Variants in MAP6 observed in about 807,000 individuals in gnomAD.
The protein encoded by MAP6 is microtubule associated protein 6.
MAP6 carries 26 observed loss-of-function variants against 42.4 expected under a neutral mutation model. That is an observed-to-expected ratio of 0.61 (90% CI 0.45 to 0.85). MAP6 has a LOEUF of 0.85. Ranked by LOEUF, MAP6 falls within the 40% of genes least tolerant of loss-of-function variation. The pLI, the probability that MAP6 is intolerant of heterozygous loss-of-function variation, is 0.00. For synonymous variants in MAP6, 418 were observed against 443.8 expected (o/e 0.94, Z 0.73); for missense variants, 966 against 1,099.0 (o/e 0.88, Z 1.71).
chr11:75,609,819 T>C (rs993839186), intron 1 of MAP6, among the ~76,000 whole-genome samples: 3 of 152,128 alleles, frequency 2.0e-5, no homozygotes, highest in African/African-American at 7.2e-5. Flanking sequence ...CCCACCTAGA[T>C]GCCCCATTGT....
At chr11:75,607,884 G>A (rs1373440843) in intron 2 of MAP6, among the ~76,000 whole-genome samples, 1 of 152,228 alleles carries the variant, frequency 6.6e-6, no homozygotes, top group Non-Finnish European at 1.5e-5. Context: ...CAGCCTTTAA[G>A]CTGTCTTTAT....
At chr11:75,633,017 T>C (rs1221185869) in intron 1 of MAP6, among the ~76,000 whole-genome samples, 1 of 151,770 alleles carries the variant, frequency 6.6e-6, no homozygotes, top group African/African-American at 2.4e-5. Context: ...TTTCTTTTTT[T>C]TTTTTTGGCA....
intron 1 of MAP6, among the ~76,000 whole-genome samples, chr11:75,632,984 T>C (rs1238579078): frequency 6.6e-6 from 1 of 151,874 alleles, no homozygotes; most frequent in African/African-American, 2.4e-5. Context: ...GTTGTTGCTG[T>C]TGTTTCTTTT....
At chr11:75,661,476 T>A (rs1943843853) in intron 1 of MAP6, among the ~76,000 whole-genome samples, 1 of 152,046 alleles carries the variant, frequency 6.6e-6, no homozygotes, top group Middle Eastern at 3.4e-3. Flanking sequence ...TTCAGCATAA[T>A]AAAATATATT....
chr11:75,629,491 T>C (rs969023562), intron 1 of MAP6, among the ~76,000 whole-genome samples: 1 of 152,128 alleles, frequency 6.6e-6, no homozygotes, highest in Admixed American at 6.5e-5. Flanking sequence ...ATCCTGCATA[T>C]GAAGTACATT....
At chr11:75,645,040 G>C (rs1943533081) in intron 1 of MAP6, among the ~76,000 whole-genome samples, 1 of 152,122 alleles carries the variant, frequency 6.6e-6, no homozygotes, top group Admixed American at 6.5e-5. Context: ...TTCCATACAG[G>C]AACAACACCT....
intron 1 of MAP6, among the ~76,000 whole-genome samples, chr11:75,627,601 G>A (rs948206401): frequency 1.3e-5 from 2 of 152,158 alleles, no homozygotes; most frequent in African/African-American, 4.8e-5. Context: ...TGATGGTAAT[G>A]GTGATGATCG....
At chr11:75,659,519 G>A (rs1258063431) in intron 1 of MAP6, among the ~76,000 whole-genome samples, 1 of 152,202 alleles carries the variant, frequency 6.6e-6, no homozygotes, top group African/African-American at 2.4e-5. Flanking sequence ...TTCCTGAAGA[G>A]TGACTGCAAA....
intron 1 of MAP6, among the ~76,000 whole-genome samples, chr11:75,632,021 G>C (rs763942050): frequency 1.3e-5 from 2 of 152,218 alleles, no homozygotes; most frequent in Non-Finnish European, 2.9e-5. Context: ...TCAACGGAGA[G>C]TGTAAAATTA....
chr11:75,618,541 A>G (rs1943043415), intron 1 of MAP6, among the ~76,000 whole-genome samples: 1 of 152,014 alleles, frequency 6.6e-6, no homozygotes, highest in Non-Finnish European at 1.5e-5. Context: ...TGGGAAGTAG[A>G]GTTGCAGTGA....
chr11:75,619,470 A>G (rs1210795878), intron 1 of MAP6, among the ~76,000 whole-genome samples: 1 of 152,008 alleles, frequency 6.6e-6, no homozygotes, highest in Admixed American at 6.5e-5. Context: ...TAAGTCTAGT[A>G]CTCACTGGTT....
chr11:75,624,630 C>T (rs1193933838), intron 1 of MAP6, among the ~76,000 whole-genome samples: 1 of 152,188 alleles, frequency 6.6e-6, no homozygotes, highest in Non-Finnish European at 1.5e-5. Context: ...CTTGAATTTT[C>T]TGCTTCTCTT....
intron 1 of MAP6, among the ~76,000 whole-genome samples, chr11:75,658,405 G>A (rs1391853651): frequency 2.0e-4 from 6 of 29,726 alleles, no homozygotes; most frequent in African/African-American, 6.8e-4. Flanking sequence ...CACCCCCCCC[G>A]CCCCAGACAG....
intron 1 of MAP6, among the ~76,000 whole-genome samples, chr11:75,655,486 G>C (rs545276206): frequency 1.3e-5 from 2 of 152,196 alleles, no homozygotes; most frequent in Admixed American, 1.3e-4. Flanking sequence ...AAAAGGCATC[G>C]AGTGTGTGCA....
At position 75,668,274 on chromosome 11, in the gene MAP6, C is replaced by T. The variant is rs1944001545; in HGVS notation, c.96G>A (p.Lys32=). The T allele has an allele frequency of 1.9e-6, 3 of 1,539,300 alleles. No individual in the cohort carries two copies. Among genetic ancestry groups the T allele is most frequent in the Non-Finnish European group, 2.6e-6 (3 of 1,150,480 alleles). Residue 32 remains lysine (K), a synonymous_variant, in exon 1 of 4, where the codon AAG becomes AAA. Coordinates refer to ENST00000304771, the MANE Select transcript of MAP6 (RefSeq NM_033063.2). ...ADIAVPLVFT[K]YSEATEHPGA... is the part of the protein sequence containing the mutation. ...CCGGGTGCTCGGTGGCCTCCGAGTA[C>T]TTGGTGAAAACCAGCGGCACAGCGA...
At chr11:75,655,067 C>T (rs535746377) in intron 1 of MAP6, among the ~76,000 whole-genome samples, 9 of 152,312 alleles carry the variant, frequency 5.9e-5, no homozygotes, top group South Asian at 2.1e-4. Context: ...TCCATATTAT[C>T]TCCCTCAAAA....
At chr11:75,648,034 CT>C (rs1183487785) in intron 1 of MAP6, among the ~76,000 whole-genome samples, 1 of 152,010 alleles carries the variant, frequency 6.6e-6, no homozygotes, top group Admixed American at 6.6e-5. Flanking sequence ...ATAGTGGGAA[CT>C]TTTTTAATCA....
rs139998648 is a variant in MAP6 at position 75,626,481 on chromosome 11, A to G, written c.906-18159T>C. 3.2e-3 allele frequency among the ~76,000 whole-genome samples: 490 copies of G among 152,284 alleles called. 2 individuals are homozygous for G. Among genetic ancestry groups the G allele is most frequent in the African/African-American group, 0.011 (476 of 41,548 alleles). On this transcript the variant is annotated intron_variant, in intron 1 of 3. Coordinates refer to ENST00000304771, the MANE Select transcript of MAP6 (RefSeq NM_033063.2). ...GAGGTATTTTGTTTTGGTGACTCAG[A>G]CCACTTTGGGGCAATAAGAGGCTGG...
chr11:75,587,118 G>C lies in MAP6; in HGVS notation c.2383C>G (p.Leu795Val), dbSNP rs1315780675. 1 of 1,612,814 alleles carries C rather than the reference G, an allele frequency of 6.2e-7. No homozygotes were observed. Residue 795 changes from leucine to valine, a missense_variant, in exon 4 of 4, where the codon CTA becomes GTA. Leu to Val is a conservative substitution (Grantham distance 32). Transcript: ENST00000304771. ...GCAGTTGGGATCATGACTCGGGGTA[G>C]AGGTGAGACAGTAGGTAGCTGAGGG... ...RDPQLPTVSP[L>V]PRVMIPTAPH...
Sources: gnomAD v4.1 joint callset for allele counts (sites outside exome capture counted in the v4.1 genomes callset) on GRCh38, gnomAD v4.1.1 for gene constraint, MANE v1.5 for transcripts, NCBI Gene and HGNC (gene_info 2026-07-23, HGNC 2026-07-21) for gene names.